The following ACSF3 variants were observed in gnomAD, a reference collection of about 807,000 sequenced individuals.
The protein encoded by ACSF3 is malonate--CoA ligase ACSF3, mitochondrial.
ACSF3 carries 78 observed loss-of-function variants against 53.2 expected under a neutral mutation model. The ratio of observed to expected loss-of-function variants is 1.47; its 90% CI spans 1.22 to 1.77. The LOEUF (loss-of-function observed/expected upper bound fraction) is 1.77, where lower values mean the gene tolerates loss of function less well. Among genes scored for constraint, ACSF3 ranks in the 40% most tolerant of loss-of-function variants. The pLI is 0.00. For synonymous variants in ACSF3, 414 were observed against 333.1 expected, an observed-to-expected ratio of 1.24 and a Z score of -2.65; for missense variants, 937 against 771.1, an observed-to-expected ratio of 1.22 and a Z score of -2.55.
chr16:89,118,595 C>T (rs1597975384), intron 6 of ACSF3, among the ~76,000 whole-genome samples: 1 of 152,184 alleles, frequency 6.6e-6, no homozygotes, highest in South Asian at 2.1e-4. Context: ...TGAGCTCTGT[C>T]GTGTGTTATG....
intron 4 of ACSF3, among the ~76,000 whole-genome samples, chr16:89,105,991 C>T (rs1316782523): frequency 6.6e-6 from 1 of 152,254 alleles, no homozygotes; most frequent in Non-Finnish European, 1.5e-5. Flanking sequence ...CTGGCCCTTT[C>T]CAGTGCCCAC....
At chr16:89,132,829 G>A (rs962207267) in intron 7 of ACSF3, among the ~76,000 whole-genome samples, 1 of 152,256 alleles carries the variant, frequency 6.6e-6, no homozygotes, top group African/African-American at 2.4e-5. Context: ...CCGGTAACAT[G>A]CTCAAGTCTA....
intron 8 of ACSF3, 200 bp from the exon 9 acceptor site, chr16:89,145,067 C>A: frequency 6.9e-7 from 1 of 1,441,804 alleles, no homozygotes; most frequent in Non-Finnish European, 9.5e-7. Context: ...CCTTGGGACG[C>A]ACGTCGTGAC....
intron 2 of ACSF3, 139 bp downstream of exon 2, chr16:89,098,902 A>T: frequency 5.0e-6 from 2 of 398,612 alleles, no homozygotes; most frequent in South Asian, 3.6e-5. Flanking sequence ...CGGTAGCATC[A>T]TTGTCAAAAT....
At chr16:89,136,587 G>A in intron 8 of ACSF3, 1 of 1,284,120 alleles carries the variant, frequency 7.8e-7, no homozygotes, top group East Asian at 5.6e-5. Context: ...AAGCCGGCGG[G>A]CACAGGGGAC....
At chr16:89,114,221 G>A (rs1235166566) in intron 5 of ACSF3, 118 bp from the exon 6 acceptor site, 12 of 1,433,360 alleles carry the variant, frequency 8.4e-6, no homozygotes, top group East Asian at 4.8e-5. Flanking sequence ...TCCTGCACTC[G>A]TGAAGGAGCT....
At chr16:89,102,004 T>C (rs1211704042) in intron 3 of ACSF3, among the ~76,000 whole-genome samples, 2 of 152,166 alleles carry the variant, frequency 1.3e-5, no homozygotes, top group East Asian at 3.9e-4. Context: ...CCTCTGTCCT[T>C]GCTGAGGGGA....
Position 89,145,925 on chromosome 16 carries a change from C to T in ACSF3, c.1502-13C>T, listed in dbSNP as rs755143692. The T allele has an allele frequency of 1.5e-4, 237 of 1,606,658 alleles. No homozygotes were observed. The highest frequency in any genetic ancestry group is 1.8e-4 in the Non-Finnish European group (214 of 1,177,026). On this transcript the variant is annotated splice_polypyrimidine_tract_variant and intron_variant, in intron 9 of 10. Coordinates refer to ENST00000614302, the MANE Select transcript of ACSF3 (RefSeq NM_001243279.3). ...GGCATCCCCATGTTCTCAAACTGTT[C>T]TTCTATCCGCAGATGTGGCTGTGAT...
chr16:89,124,080 TAGTGTGCGCATGGGTATCACACACATGCC>T (rs1907360295), intron 7 of ACSF3, among the ~76,000 whole-genome samples: 3 of 4,462 alleles, frequency 6.7e-4, no homozygotes, highest in Non-Finnish European at 1.9e-3. Flanking sequence ...CACACATGCC[TAGTGTGCGCATGGGTATCACACACATGCC>T]TAGTGTGCGC....
chr16:89,093,958 C>T lies in ACSF3; in HGVS notation c.-232C>T, dbSNP rs1419518495. 2 of 318,824 alleles carry T rather than the reference C, an allele frequency of 6.3e-6. No individual in the cohort carries two copies. The highest frequency in any genetic ancestry group is 1.3e-5 in the Non-Finnish European group (2 of 152,250). The allele number at this position is 318,824 out of a possible 1,614,324, so 19.7% of individuals were successfully genotyped here. A position where few individuals can be genotyped will look rare whatever the true frequency, so the allele number is the denominator to read the frequency against. On this transcript the variant is annotated 5_prime_UTR_variant, in exon 1 of 11. Transcript: ENST00000614302. ...GGCGGAGGACGAGGAAGAGTTGTGG[C>T]GAGGCAGATCCTGCCCCGTGGCCGC...
intron 10 of ACSF3, chr16:89,151,134 C>G (rs534377214): frequency 1.1e-6 from 1 of 917,088 alleles, no homozygotes; most frequent in African/African-American, 1.7e-5. Context: ...GATGGCGGCA[C>G]GGAGGGCTGC....
chr16:89,106,259 C>G (rs1337848520), intron 4 of ACSF3, among the ~76,000 whole-genome samples: 1 of 151,844 alleles, frequency 6.6e-6, no homozygotes, highest in African/African-American at 2.4e-5. Flanking sequence ...TTGACACTTA[C>G]TTGGGATTTT....
chr16:89,096,570 G>A (rs1344178667), intron 1 of ACSF3, among the ~76,000 whole-genome samples: 1 of 152,218 alleles, frequency 6.6e-6, no homozygotes. Context: ...TGATGGGGCT[G>A]GTTCCGTTTT....
At chr16:89,112,870 CA>C (rs1373150072) in intron 5 of ACSF3, among the ~76,000 whole-genome samples, 4 of 152,226 alleles carry the variant, frequency 2.6e-5, no homozygotes, top group Admixed American at 6.5e-5. Context: ...CCTTCGTGGG[CA>C]GCCCTGTGAG....
chr16:89,124,307 A>G (rs1285713171), intron 7 of ACSF3, among the ~76,000 whole-genome samples: 3 of 152,198 alleles, frequency 2.0e-5, no homozygotes, highest in Non-Finnish European at 4.4e-5. Context: ...TGCACACTGC[A>G]TATATGTGTG....
chr16:89,141,913 G>T (rs555373004), intron 8 of ACSF3, among the ~76,000 whole-genome samples: 2 of 152,330 alleles, frequency 1.3e-5, no homozygotes, highest in East Asian at 3.9e-4. Flanking sequence ...AATCATCCCC[G>T]AGACAGGCGT....
At chr16:89,100,322 G>T (rs1169875862) in intron 2 of ACSF3, among the ~76,000 whole-genome samples, 2 of 152,234 alleles carry the variant, frequency 1.3e-5, no homozygotes, top group South Asian at 4.1e-4. Flanking sequence ...TCCAGGCTCA[G>T]GATTCTAAAA....
intron 2 of ACSF3, among the ~76,000 whole-genome samples, chr16:89,099,674 C>G (rs1008611465): frequency 2.0e-5 from 3 of 151,982 alleles, no homozygotes; most frequent in African/African-American, 7.3e-5. Context: ...CCCAGCTAGT[C>G]AGGAGGCTGA....
At chr16:89,120,069 C>T (rs533444758) in intron 6 of ACSF3, among the ~76,000 whole-genome samples, 39 of 152,358 alleles carry the variant, frequency 2.6e-4, no homozygotes, top group African/African-American at 7.9e-4. Flanking sequence ...CAGCCTCTGC[C>T]GTCCCACCAG....
Sources: allele counts gnomAD v4.1 joint callset (sites outside exome capture counted in the v4.1 genomes callset), GRCh38; gene constraint gnomAD v4.1.1; transcripts MANE v1.5; gene names NCBI Gene and HGNC (gene_info 2026-07-23, HGNC 2026-07-21).